LCOR: variants seen among roughly 807,000 people sequenced by gnomAD.
LCOR encodes the protein ligand-dependent corepressor.
Under a neutral mutation model 64.4 loss-of-function variants are expected in LCOR, and 14 were observed. The ratio of observed to expected loss-of-function variants is 0.22; its 90% confidence interval spans 0.14 to 0.34. LCOR has a LOEUF of 0.34. Ranked by LOEUF, LCOR falls within the 10% of genes least tolerant of loss-of-function variation. LCOR has a pLI of 1.00. For missense variants in LCOR, 1,686 were observed against 1,765.3 expected (o/e 0.96, Z 0.80); for synonymous variants, 643 against 642.5 (o/e 1.00, Z -0.01).
intron 2 of LCOR, among the ~76,000 whole-genome samples, chr10:96,872,521 T>C (rs1391488308): frequency 1.3e-5 from 2 of 151,676 alleles, no homozygotes; most frequent in Non-Finnish European, 3.0e-5. Flanking sequence ...GGTGGAACCC[T>C]CTCTCTACAA....
At chr10:96,916,719 A>T (rs374402426) in intron 4 of LCOR, among the ~76,000 whole-genome samples, 1 of 151,898 alleles carries the variant, frequency 6.6e-6, no homozygotes, top group South Asian at 2.1e-4. Context: ...GGTTCAAGCA[A>T]TTCTCGTGCC....
intron 7 of LCOR, chr10:96,960,590 G>A (rs1408211444): frequency 6.6e-6 from 1 of 152,148 alleles, no homozygotes; most frequent in African/African-American, 2.4e-5. Context: ...GATATTGAAA[G>A]TTATAGGTTA....
intron 2 of LCOR, among the ~76,000 whole-genome samples, chr10:96,844,600 C>G (rs1466021861): frequency 2.0e-5 from 3 of 152,070 alleles, no homozygotes; most frequent in African/African-American, 7.2e-5. Flanking sequence ...TTTGTGTTTC[C>G]TTTTTTCTTT....
chr10:96,880,328 GGCC>G (rs1846241669), intron 2 of LCOR, among the ~76,000 whole-genome samples: 1 of 152,114 alleles, frequency 6.6e-6, no homozygotes, highest in Admixed American at 6.5e-5. Flanking sequence ...TGATAATGGT[GGCC>G]TTCTAGCATT....
At chr10:96,836,399 G>C (rs1845442211) in intron 2 of LCOR, among the ~76,000 whole-genome samples, 1 of 152,104 alleles carries the variant, frequency 6.6e-6, no homozygotes, top group Admixed American at 6.6e-5. Flanking sequence ...TGCCACTTCA[G>C]AGTACCTGCC....
In LCOR at chr10:96,985,729, T is replaced by TA. The variant is rs535475282; in HGVS notation, c.*601dup. The TA allele has an allele frequency of 3.2e-3, 534 of 166,940 alleles. 1 individual carries two copies. The highest frequency in any genetic ancestry group is 6.8e-3 in the Middle Eastern group (2 of 296). 10.3% of individuals were successfully genotyped at this position (166,940 alleles called of 1,614,324 possible). On this transcript the variant is annotated 3_prime_UTR_variant, in exon 8 of 8. Transcript: ENST00000421806. ...GATTACTATTTCTGTTACCCCCTTT[T>TA]AAAAAAGATCATGTTCATTGTTGGT...
At chr10:96,852,921 CATTTT>C (rs1454873081) in intron 2 of LCOR, among the ~76,000 whole-genome samples, 1 of 152,156 alleles carries the variant, frequency 6.6e-6, no homozygotes, top group Non-Finnish European at 1.5e-5. Flanking sequence ...GAACTTAAAA[CATTTT>C]AAAACATCTA....
chr10:96,953,999 T>C (rs1847724258), intron 7 of LCOR, among the ~76,000 whole-genome samples: 1 of 152,226 alleles, frequency 6.6e-6, no homozygotes, highest in African/African-American at 2.4e-5. Context: ...TAACTTTGTC[T>C]AAGTAGTTGA....
chr10:96,951,953 G>A (rs542736472), intron 6 of LCOR, 150 bp from the exon 7 acceptor site: 12 of 580,438 alleles, frequency 2.1e-5, no homozygotes, highest in South Asian at 4.3e-5. Context: ...TGTTGCTTCA[G>A]GATTTAATTG....
chr10:96,884,338 A>G (rs1018106684), intron 2 of LCOR, among the ~76,000 whole-genome samples: 2 of 152,256 alleles, frequency 1.3e-5, no homozygotes, highest in Non-Finnish European at 2.9e-5. Flanking sequence ...TTTTAAGAGT[A>G]TAAAGTGATC....
At chr10:96,922,581 T>C (rs1232126018) in intron 4 of LCOR, among the ~76,000 whole-genome samples, 4 of 152,204 alleles carry the variant, frequency 2.6e-5, no homozygotes, top group Admixed American at 6.5e-5. Flanking sequence ...AACCTTCTGA[T>C]TGAGATTGGG....
chr10:96,953,064 A>G (rs1180977933), intron 7 of LCOR, among the ~76,000 whole-genome samples: 7 of 152,252 alleles, frequency 4.6e-5, no homozygotes, highest in Non-Finnish European at 7.4e-5. Flanking sequence ...ACTACCTTCA[A>G]ATAGAAGGAT....
intron 2 of LCOR, among the ~76,000 whole-genome samples, chr10:96,840,713 CT>C (rs1476075186): frequency 1.3e-5 from 2 of 152,156 alleles, no homozygotes; most frequent in Admixed American, 6.5e-5. Flanking sequence ...TTTCTTTAGA[CT>C]TTAAATGTTT....
chr10:96,910,020 A>C (rs1477797625), intron 4 of LCOR, among the ~76,000 whole-genome samples: 1 of 152,182 alleles, frequency 6.6e-6, no homozygotes, highest in African/African-American at 2.4e-5. Flanking sequence ...GTAGTTGTAT[A>C]TAGTATATTC....
chr10:96,896,470 C>G (rs1339503853), intron 2 of LCOR, among the ~76,000 whole-genome samples: 3 of 152,006 alleles, frequency 2.0e-5, no homozygotes, highest in Non-Finnish European at 4.4e-5. Context: ...GTTGCCCAGA[C>G]TAAAGTGCAG....
At chr10:96,897,751 TGCTGTTTGTGGGCCAGCAAAA>T (rs1028049312) in intron 2 of LCOR, among the ~76,000 whole-genome samples, 16 of 152,266 alleles carry the variant, frequency 1.1e-4, no homozygotes, top group South Asian at 2.1e-4. Flanking sequence ...AAAAGTTTGC[TGCTGTTTGTGGGCCAGCAAAA>T]GCTGTTTGTG....
intron 2 of LCOR, among the ~76,000 whole-genome samples, chr10:96,838,313 G>T (rs1247904362): frequency 6.6e-6 from 1 of 151,954 alleles, no homozygotes. Flanking sequence ...TCAGCAGTGG[G>T]GTCCTGCCAT....
intron 2 of LCOR, among the ~76,000 whole-genome samples, chr10:96,868,405 G>C (rs557597841): frequency 3.1e-4 from 47 of 151,698 alleles, no homozygotes; most frequent in Admixed American, 2.3e-3. Flanking sequence ...TTCCCGAGTA[G>C]CTGGGATTAC....
chr10:96,849,943 C>A (rs1338976822), intron 2 of LCOR, among the ~76,000 whole-genome samples: 1 of 147,354 alleles, frequency 6.8e-6, no homozygotes, highest in Non-Finnish European at 1.5e-5. Flanking sequence ...CTGCAGATAT[C>A]CCTGTGGGTA....
Sources: allele counts gnomAD v4.1 joint callset (sites outside exome capture counted in the v4.1 genomes callset), GRCh38; gene constraint gnomAD v4.1.1; transcripts MANE v1.5; gene names NCBI Gene and HGNC (gene_info 2026-07-23, HGNC 2026-07-21).